The following FMN2 variants were observed in gnomAD, a reference collection of about 807,000 sequenced individuals.
FMN2 encodes the protein formin 2, also known as formin-2.
FMN2 carries 51 observed loss-of-function variants against 142.3 expected under a neutral mutation model. The observed-to-expected ratio is 0.36, with a 90% CI of 0.29 to 0.45. FMN2 has a LOEUF of 0.45. Among genes scored for constraint, FMN2 ranks in the 20% least tolerant of loss-of-function variants. The pLI is 1.00. For synonymous variants in FMN2, 882 were observed against 869.8 expected, an observed-to-expected ratio of 1.01 and a Z score of -0.25; for missense variants, 1,936 against 2,122.8, an observed-to-expected ratio of 0.91 and a Z score of 1.73.
intron 14 of FMN2, among the ~76,000 whole-genome samples, chr1:240,364,092 G>A (rs1572233520): frequency 6.6e-6 from 1 of 152,076 alleles, no homozygotes; most frequent in Non-Finnish European, 1.5e-5. Flanking sequence ...TTTTACTTTC[G>A]TGACTCTTTA....
chr1:240,185,663 A>G (rs1665415346), intron 3 of FMN2, among the ~76,000 whole-genome samples: 1 of 152,244 alleles, frequency 6.6e-6, no homozygotes, highest in Non-Finnish European at 1.5e-5. Flanking sequence ...TTACCGGGTC[A>G]AGGACTATAG....
chr1:240,457,200 C>A (rs901604522), intron 16 of FMN2, among the ~76,000 whole-genome samples: 1 of 152,160 alleles, frequency 6.6e-6, no homozygotes, highest in African/African-American at 2.4e-5. Context: ...ACTTCAAAAT[C>A]AATGTTCCCC....
chr1:240,321,264 C>A (rs564868747), intron 8 of FMN2, among the ~76,000 whole-genome samples: 1 of 151,720 alleles, frequency 6.6e-6, no homozygotes, highest in East Asian at 1.9e-4. Context: ...AAGCCAGTTA[C>A]GTCAAGGAAA....
intron 5 of FMN2, among the ~76,000 whole-genome samples, chr1:240,208,946 G>T (rs991569619): frequency 1.3e-5 from 2 of 152,092 alleles, no homozygotes; most frequent in Non-Finnish European, 2.9e-5. Context: ...ATACATATAC[G>T]TATCAATGTA....
chr1:240,439,689 A>G (rs546033553), intron 16 of FMN2, among the ~76,000 whole-genome samples: 2 of 152,342 alleles, frequency 1.3e-5, no homozygotes, highest in South Asian at 4.1e-4. Context: ...GTTACATTAT[A>G]TGCAGGTGGG....
At chr1:240,255,170 T>C (rs1219841082) in intron 6 of FMN2, among the ~76,000 whole-genome samples, 3 of 152,210 alleles carry the variant, frequency 2.0e-5, no homozygotes, top group African/African-American at 7.2e-5. Flanking sequence ...CAGCCGATCC[T>C]GGCTGAGCAG....
At position 240,466,640 on chromosome 1, in the gene FMN2, C is replaced by CT. The variant is rs569757359; in HGVS notation, c.5061-5725dup. 2.7e-4 allele frequency among the ~76,000 whole-genome samples: 41 copies of CT among 152,270 alleles called. No homozygotes were observed. The South Asian group carries it at 4.6e-3, about 17-fold the overall frequency. On this transcript the variant is annotated intron_variant, in intron 16 of 17. Transcript: ENST00000319653. ...GTCATTACCAATCAACAATTTCACA[C>CT]TTTTTTTACCTTGATAAGCTTGAAT... is the stretch of plus-strand genomic sequence containing the variant.
intron 1 of FMN2, among the ~76,000 whole-genome samples, chr1:240,114,138 C>T (rs1661926424): frequency 6.6e-6 from 1 of 152,088 alleles, no homozygotes; most frequent in African/African-American, 2.4e-5. Context: ...CCCCATGCCA[C>T]CTACTTTTTT....
intron 15 of FMN2, chr1:240,400,629 T>C (rs1673947098): frequency 6.6e-6 from 1 of 152,090 alleles, no homozygotes. Context: ...GAGTCCCAGG[T>C]CTCCTTCCCA....
intron 5 of FMN2, among the ~76,000 whole-genome samples, chr1:240,209,445 G>A (rs1190663897): frequency 6.6e-6 from 1 of 150,698 alleles, no homozygotes; most frequent in East Asian, 2.0e-4. Flanking sequence ...AGTAGAGACG[G>A]GGTTTCACCG....
rs1227619481 is a variant in FMN2, at chr1:240,092,161, G to C, written c.52G>C (p.Glu18Gln). ...GAGGAGCGCAGGTGATGCTTTGCAC[G>C]AAGGCGGCGGTGGCGCCGAGGATGC... ...LKRSAGDALH[E>Q]GGGGAEDALG... The change falls in exon 1 of 18, where the codon GAA becomes CAA. Residue 18 changes from glutamate (E) to glutamine (Q), a missense_variant. Around this residue, in one of 8 missense-constraint regions of FMN2, gnomAD observed 751 missense variants for 791.8 expected, o/e 0.95. Transcript: ENST00000319653. 1 of 1,574,082 alleles carries C rather than the reference G, an allele frequency of 6.4e-7. No homozygotes were observed. The highest frequency in any genetic ancestry group is 1.3e-5 in the African/African-American group (1 of 74,358).
chr1:240,211,657 A>G (rs1666696995), intron 6 of FMN2, among the ~76,000 whole-genome samples: 1 of 152,212 alleles, frequency 6.6e-6, no homozygotes, highest in African/African-American at 2.4e-5. Flanking sequence ...GTTGCATTAT[A>G]TCTGAAGTGG....
chr1:240,252,469 T>A (rs894793342), intron 6 of FMN2, among the ~76,000 whole-genome samples: 1 of 152,026 alleles, frequency 6.6e-6, no homozygotes, highest in African/African-American at 2.4e-5. Context: ...ACCTTCAACT[T>A]TTGCTTGTCT....
chr1:240,151,050 T>G (rs1663749699), intron 2 of FMN2, among the ~76,000 whole-genome samples: 1 of 152,232 alleles, frequency 6.6e-6, no homozygotes, highest in South Asian at 2.1e-4. Context: ...ATGGATATTA[T>G]GGATAAATAT....
At chr1:240,127,134 T>G (rs1453797304) in intron 2 of FMN2, among the ~76,000 whole-genome samples, 6 of 151,668 alleles carry the variant, frequency 4.0e-5, no homozygotes, top group African/African-American at 9.7e-5. Context: ...TTTTTTTTTT[T>G]TTTGAAACGG....
chr1:240,367,344 C>T lies in FMN2; in HGVS notation c.4858+11436C>T, dbSNP rs565583482. On this transcript the variant is annotated intron_variant, in intron 14 of 17. Transcript: ENST00000319653. ...TAAAATGTGGTCAGATAAATTTTCC[C>T]AAGCCCTGCTCCCACTTTGGAGCTT... 1.2e-4 allele frequency among the ~76,000 whole-genome samples: 19 copies of T among 152,252 alleles called. No individual in the cohort carries two copies. The East Asian group carries it at 3.7e-3, about 29-fold the overall frequency.
chr1:240,418,823 A>G (rs1356616856), intron 15 of FMN2, among the ~76,000 whole-genome samples: 1 of 152,118 alleles, frequency 6.6e-6, no homozygotes, highest in Non-Finnish European at 1.5e-5. Context: ...GTAAAGACTT[A>G]TAGCTGTGCA....
At chr1:240,214,852 G>A (rs1381845687) in intron 6 of FMN2, among the ~76,000 whole-genome samples, 12 of 152,254 alleles carry the variant, frequency 7.9e-5, no homozygotes, top group Non-Finnish European at 8.8e-5. Context: ...GATGGCTTGA[G>A]CCCAGGATTT....
At chr1:240,191,294 A>G (rs1186476698) in intron 4 of FMN2, among the ~76,000 whole-genome samples, 1 of 152,254 alleles carries the variant, frequency 6.6e-6, no homozygotes, top group Non-Finnish European at 1.5e-5. Flanking sequence ...GAAAAAACAC[A>G]TGACTCATAA....
Sources: gnomAD v4.1 joint callset for allele counts (sites outside exome capture counted in the v4.1 genomes callset) on GRCh38, gnomAD v4.1.1 for gene constraint, gnomAD v4.1.1 regional missense constraint, MANE v1.5 for transcripts, NCBI Gene and HGNC (gene_info 2026-07-23, HGNC 2026-07-21) for gene names.